Variants in ABL1 observed in about 807,000 individuals in gnomAD.
ABL1 encodes tyrosine-protein kinase ABL1.
In ABL1, 11 loss-of-function variants were observed where a neutral mutation model predicts 94.7. That is an observed-to-expected ratio of 0.12 (90% CI 0.07 to 0.19). The LOEUF (loss-of-function observed/expected upper bound fraction) is 0.19, where lower values mean the gene tolerates loss of function less well. Ranked by LOEUF, ABL1 falls within the 10% of genes least tolerant of loss-of-function variation. ABL1 has a pLI of 1.00. For missense variants in ABL1, 1,082 were observed against 1,489.4 expected (o/e 0.73, Z 4.50); for synonymous variants, 656 against 622.4 (o/e 1.05, Z -0.80).
In ABL1 at chr9:130,796,030, G is replaced by A. The variant is rs561415566; in HGVS notation, c.137-58034G>A. ...CTCTACCAAAAATACAAAGTTAGCT[G>A]GGTGTGGTGGCATATGCCTGTAATC... On this transcript the variant is annotated intron_variant, in intron 1 of 10. Coordinates refer to the ABL1 transcript ENST00000372348. Among the ~76,000 whole-genome samples, 36 of 152,024 alleles carry A rather than the reference G, an allele frequency of 2.4e-4. No individual in the cohort carries two copies. In the South Asian group the frequency reaches 4.8e-3, roughly 20 times the overall value.
chr9:130,761,099 C>T (rs1412035071), intron 1 of ABL1, among the ~76,000 whole-genome samples: 1 of 152,082 alleles, frequency 6.6e-6, no homozygotes, highest in Non-Finnish European at 1.5e-5. Flanking sequence ...AGGCGCCCAC[C>T]ACCACGGCTG....
chr9:130,738,859 C>G (rs1831778481), intron 1 of ABL1, among the ~76,000 whole-genome samples: 1 of 152,196 alleles, frequency 6.6e-6, no homozygotes, highest in South Asian at 2.1e-4. Flanking sequence ...ACATTTTTTC[C>G]CTCAGATGTA....
At chr9:130,811,491 T>G (rs550718911) in intron 1 of ABL1, among the ~76,000 whole-genome samples, 1 of 152,190 alleles carries the variant, frequency 6.6e-6, no homozygotes, top group Non-Finnish European at 1.5e-5. Flanking sequence ...GCACAAAGAC[T>G]GGGAGTGGGA....
At chr9:130,803,318 G>A (rs752707997) in intron 1 of ABL1, among the ~76,000 whole-genome samples, 12 of 152,186 alleles carry the variant, frequency 7.9e-5, no homozygotes, top group Non-Finnish European at 2.9e-5. Context: ...GATTACAAGC[G>A]AGAGCCACTG....
chr9:130,818,339 G>A (rs1406133146), intron 1 of ABL1, among the ~76,000 whole-genome samples: 7 of 152,226 alleles, frequency 4.6e-5, no homozygotes, highest in South Asian at 2.1e-4. Context: ...ACATCGTGGC[G>A]CATGCCTGTA....
chr9:130,843,892 T>C (rs1014682207), intron 1 of ABL1, among the ~76,000 whole-genome samples: 3 of 152,074 alleles, frequency 2.0e-5, no homozygotes, highest in Non-Finnish European at 4.4e-5. Context: ...GAGCCTGGCA[T>C]GCCTGCTTCA....
chr9:130,884,569 C>T lies in ABL1; in HGVS notation c.2279C>T (p.Pro760Leu), dbSNP rs564994914. The T allele has an allele frequency of 5.0e-6, 8 of 1,613,136 alleles. No individual in the cohort carries two copies. Among genetic ancestry groups the T allele is most frequent in the East Asian group, 2.2e-5 (1 of 44,882 alleles). ...TTTGGAGGGCACAAAAGTGAGAAGC[C>T]GGCTCTGCCTCGGAAGAGGGCAGGG... Reference protein sequence around the residue: ...STFGGHKSEKPALPRKRAGEN... With the variant: ...STFGGHKSEKLALPRKRAGEN... The change falls in exon 11 of 11, where the codon CCG becomes CTG. Residue 760 changes from proline (P) to leucine (L), a missense_variant. Pro to Leu is a moderately conservative substitution (Grantham distance 98). Transcript: ENST00000318560. The surrounding 1 kb of genome is among the most constrained non-coding windows in gnomAD (Gnocchi z 5.6).
intron 6 of ABL1, among the ~76,000 whole-genome samples, chr9:130,874,144 C>G (rs1450448937): frequency 2.0e-5 from 3 of 152,194 alleles, no homozygotes; most frequent in Non-Finnish European, 4.4e-5. Flanking sequence ...CAGCCATCAC[C>G]TCAAGCTGCT....
intron 1 of ABL1, among the ~76,000 whole-genome samples, chr9:130,782,304 G>A (rs561215851): frequency 1.3e-5 from 2 of 152,140 alleles, no homozygotes; most frequent in Non-Finnish European, 2.9e-5. Context: ...CAAGTGATCC[G>A]CCTGCCTTGG....
At chr9:130,776,598 C>T (rs1207402612) in intron 1 of ABL1, among the ~76,000 whole-genome samples, 1 of 149,452 alleles carries the variant, frequency 6.7e-6, no homozygotes, top group East Asian at 1.9e-4. Flanking sequence ...AAAGCAGCAG[C>T]TGTGGTGACT....
chr9:130,742,216 G>T (rs1246663040), intron 1 of ABL1, among the ~76,000 whole-genome samples: 1 of 152,132 alleles, frequency 6.6e-6, no homozygotes, highest in Non-Finnish European at 1.5e-5. Context: ...CCTAACTGTG[G>T]TGGATGCCAT....
At chr9:130,730,862 G>A (rs540624489) in intron 1 of ABL1, among the ~76,000 whole-genome samples, 3 of 152,048 alleles carry the variant, frequency 2.0e-5, no homozygotes, top group South Asian at 2.1e-4. Context: ...GTGAGCTACC[G>A]TGCCTAGCCT....
At chr9:130,784,408 T>C (rs1829800445) in intron 1 of ABL1, among the ~76,000 whole-genome samples, 1 of 152,232 alleles carries the variant, frequency 6.6e-6, no homozygotes, top group Admixed American at 6.5e-5. Context: ...TCCTCATAAG[T>C]CATCATCTAG....
intron 1 of ABL1, among the ~76,000 whole-genome samples, chr9:130,815,693 T>C (rs1830275491): frequency 6.6e-6 from 1 of 152,154 alleles, no homozygotes; most frequent in South Asian, 2.1e-4. Context: ...TCGCCTCAGC[T>C]GCAAACCTTC....
chr9:130,885,691 CAG>C lies in ABL1; in HGVS notation c.*9_*10del, dbSNP rs773424823. ...GACATAGTGCAGAGGTAGCAGCAGT[CAG>C]GGGTCAGGTGTCAGGCCCGTCGGAG... On this transcript the variant is annotated 3_prime_UTR_variant, in exon 11 of 11. Coordinates refer to ENST00000318560, the MANE Select transcript of ABL1 (RefSeq NM_005157.6). 3.2e-5 allele frequency: 51 copies of C among 1,603,838 alleles called. 1 individual carries two copies. In the Admixed American group the frequency reaches 4.9e-4, roughly 15 times the overall value.
rs144944490 is a variant in ABL1, at chr9:130,863,379, G to A, written c.822+344G>A. On this transcript the variant is annotated intron_variant, in intron 4 of 10. Transcript: ENST00000318560. The surrounding 1 kb of genome is among the most constrained non-coding windows in gnomAD (Gnocchi z 4.3). ...TGCGGCATGGAGATCACTTCCTACC[G>A]AGAGTTAAGGAGGAAAAAAAGATCT... Among the ~76,000 whole-genome samples, 43 of 152,198 alleles carry A rather than the reference G, an allele frequency of 2.8e-4. No individual in the cohort carries two copies. In the East Asian group the frequency reaches 6.0e-3, roughly 21 times the overall value.
chr9:130,765,312 C>T (rs544446710), intron 1 of ABL1, among the ~76,000 whole-genome samples: 3 of 152,196 alleles, frequency 2.0e-5, no homozygotes, highest in South Asian at 2.1e-4. Flanking sequence ...GCCAGCAACC[C>T]GGGGGCCACC....
At chr9:130,747,185 G>C (rs1338697461) in intron 1 of ABL1, among the ~76,000 whole-genome samples, 1 of 152,086 alleles carries the variant, frequency 6.6e-6, no homozygotes, top group Non-Finnish European at 1.5e-5. Context: ...GACCAGCCTG[G>C]GCAACATGGT....
At chr9:130,869,754 A>G (rs1216645909) in intron 4 of ABL1, among the ~76,000 whole-genome samples, 1 of 152,230 alleles carries the variant, frequency 6.6e-6, no homozygotes, top group Non-Finnish European at 1.5e-5. Context: ...AAGTAAAGGA[A>G]TGTCACAGAA....
Sources: allele counts gnomAD v4.1 joint callset (sites outside exome capture counted in the v4.1 genomes callset), GRCh38; gene constraint gnomAD v4.1.1; non-coding constraint Gnocchi (gnomAD v3.1); transcripts MANE v1.5; gene names NCBI Gene and HGNC (gene_info 2026-07-23, HGNC 2026-07-21).